AFG1L: variants seen among roughly 807,000 people sequenced by gnomAD.
The protein encoded by AFG1L is AFG1 like ATPase.
Under a neutral mutation model 62.2 loss-of-function variants are expected in AFG1L, and 53 were observed. The ratio of observed to expected loss-of-function variants is 0.85; its 90% CI spans 0.68 to 1.07. The LOEUF is 1.07. AFG1L is among the 50% of genes least tolerant of loss of function. AFG1L has a pLI of 0.00. For synonymous variants in AFG1L, 228 were observed against 210.3 expected, an observed-to-expected ratio of 1.08 and a Z score of -0.73; for missense variants, 555 against 590.5, an observed-to-expected ratio of 0.94 and a Z score of 0.62.
intron 1 of AFG1L, among the ~76,000 whole-genome samples, chr6:108,301,456 C>A (rs1470996350): frequency 6.6e-6 from 1 of 152,176 alleles, no homozygotes; most frequent in Non-Finnish European, 1.5e-5. Context: ...CTTCTTCAGG[C>A]TGAATAGGGG....
chr6:108,396,049 T>G (rs1411370994), intron 6 of AFG1L, among the ~76,000 whole-genome samples: 5 of 142,850 alleles, frequency 3.5e-5, no homozygotes, highest in East Asian at 2.1e-4. Context: ...TGTTTTTTTG[T>G]TTTTTTTTTT....
At chr6:108,373,294 G>T (rs1582462702) in intron 6 of AFG1L, among the ~76,000 whole-genome samples, 1 of 152,042 alleles carries the variant, frequency 6.6e-6, no homozygotes, top group Non-Finnish European at 1.5e-5. Flanking sequence ...GTGGTATATG[G>T]TTTTTTTGTT....
At chr6:108,304,455 G>T (rs1461351662) in intron 1 of AFG1L, among the ~76,000 whole-genome samples, 2 of 152,176 alleles carry the variant, frequency 1.3e-5, no homozygotes, top group African/African-American at 2.4e-5. Flanking sequence ...GTCATTGCAG[G>T]AGAACATTTC....
At chr6:108,370,504 T>G (rs1779955393) in intron 6 of AFG1L, among the ~76,000 whole-genome samples, 1 of 151,998 alleles carries the variant, frequency 6.6e-6, no homozygotes, top group Non-Finnish European at 1.5e-5. Context: ...TGGCATCTAG[T>G]AGGTAAAGGC....
chr6:108,439,931 C>T (rs1771468782), intron 7 of AFG1L, among the ~76,000 whole-genome samples: 1 of 152,048 alleles, frequency 6.6e-6, no homozygotes, highest in African/African-American at 2.4e-5. Context: ...TGCAATTAAG[C>T]TTTTCTGTAT....
chr6:108,312,201 G>A (rs1777439272), intron 1 of AFG1L, among the ~76,000 whole-genome samples: 1 of 152,108 alleles, frequency 6.6e-6, no homozygotes, highest in Non-Finnish European at 1.5e-5. Context: ...TTTACTTTCT[G>A]TTGAAAGATT....
intron 10 of AFG1L, among the ~76,000 whole-genome samples, chr6:108,478,561 C>T (rs1562186036): frequency 2.0e-5 from 3 of 152,332 alleles, no homozygotes; most frequent in South Asian, 4.1e-4. Flanking sequence ...CCTTTCAGAC[C>T]TCTTCTGGAT....
At chr6:108,474,450 G>A (rs933602474) in intron 8 of AFG1L, among the ~76,000 whole-genome samples, 3 of 152,180 alleles carry the variant, frequency 2.0e-5, no homozygotes, top group African/African-American at 7.2e-5. Flanking sequence ...GATCCTTGAG[G>A]AATCACCATA....
intron 11 of AFG1L, among the ~76,000 whole-genome samples, chr6:108,516,689 T>C (rs1208886346): frequency 6.6e-6 from 1 of 152,112 alleles, no homozygotes; most frequent in Non-Finnish European, 1.5e-5. Context: ...GGGTATTCAA[T>C]TCGGAAAAGA....
At chr6:108,300,027 G>A (rs756907416) in intron 1 of AFG1L, among the ~76,000 whole-genome samples, 1 of 152,008 alleles carries the variant, frequency 6.6e-6, no homozygotes, top group African/African-American at 2.4e-5. Flanking sequence ...CACATCTTAT[G>A]ATTTCTTTTT....
At chr6:108,458,177 G>T (rs1426349320) in intron 8 of AFG1L, among the ~76,000 whole-genome samples, 1 of 151,954 alleles carries the variant, frequency 6.6e-6, no homozygotes, top group Non-Finnish European at 1.5e-5. Flanking sequence ...GGATGTGTGG[G>T]TTTATAGTTT....
chr6:108,343,507 T>C (rs576372422), intron 2 of AFG1L, among the ~76,000 whole-genome samples: 8 of 152,180 alleles, frequency 5.3e-5, no homozygotes, highest in East Asian at 3.8e-4. Context: ...ACAAAATGTA[T>C]TGTGAAGAAT....
chr6:108,459,081 G>A (rs1310211330), intron 8 of AFG1L, among the ~76,000 whole-genome samples: 1 of 152,066 alleles, frequency 6.6e-6, no homozygotes, highest in African/African-American at 2.4e-5. Context: ...ACTATTCCTG[G>A]CCATGTATGA....
chr6:108,514,298 C>A (rs1475505354), intron 11 of AFG1L, among the ~76,000 whole-genome samples: 3 of 151,336 alleles, frequency 2.0e-5, no homozygotes, highest in Middle Eastern at 3.2e-3. Context: ...AACAGTGGAT[C>A]TCTTGGCAGA....
intron 10 of AFG1L, among the ~76,000 whole-genome samples, chr6:108,506,282 A>G (rs2114888266): frequency 6.6e-6 from 1 of 152,300 alleles, no homozygotes; most frequent in East Asian, 1.9e-4. Flanking sequence ...ATCTCAGCTC[A>G]CTGCAAACTC....
At chr6:108,378,831 T>C (rs1780364607) in intron 6 of AFG1L, among the ~76,000 whole-genome samples, 1 of 151,802 alleles carries the variant, frequency 6.6e-6, no homozygotes, top group South Asian at 2.1e-4. Flanking sequence ...TTTTTCTTTT[T>C]TTTCCCTGTA....
At position 108,421,062 on chromosome 6, in the gene AFG1L, T is replaced by A. The variant is rs145643982; in HGVS notation, c.807+19008T>A. Among the ~76,000 whole-genome samples the A allele has an allele frequency of 1.6e-4, 24 of 152,260 alleles. No individual in the cohort carries two copies. The East Asian group carries it at 4.6e-3, about 29-fold the overall frequency. On this transcript the variant is annotated intron_variant, in intron 7 of 12. Transcript: ENST00000368977. ...AACTCAAGCCAATTAATAGAACTTT[T>A]AAGCTCTTTGTCATAGGCCACCATG...
intron 5 of AFG1L, among the ~76,000 whole-genome samples, chr6:108,363,319 C>G (rs1035630122): frequency 1.3e-5 from 2 of 151,952 alleles, no homozygotes; most frequent in Admixed American, 1.3e-4. Flanking sequence ...ATTTCGTCAC[C>G]CAGGTACTAA....
At chr6:108,505,144 G>A (rs1582676941) in intron 10 of AFG1L, among the ~76,000 whole-genome samples, 1 of 150,462 alleles carries the variant, frequency 6.6e-6, no homozygotes, top group African/African-American at 2.5e-5. Context: ...ACCCAGGCTG[G>A]AGTACAATGG....
Sources: allele counts gnomAD v4.1 joint callset (sites outside exome capture counted in the v4.1 genomes callset), GRCh38; gene constraint gnomAD v4.1.1; transcripts MANE v1.5; gene names NCBI Gene and HGNC (gene_info 2026-07-23, HGNC 2026-07-21).